SH3KBP1: variants seen among roughly 807,000 people sequenced by gnomAD.
SH3KBP1 encodes the protein SH3 domain-containing kinase-binding protein 1.
Under a neutral mutation model 50.1 loss-of-function variants are expected in SH3KBP1, and 8 were observed. The ratio of observed to expected loss-of-function variants is 0.16; its 90% CI spans 0.09 to 0.29. The LOEUF (loss-of-function observed/expected upper bound fraction) is 0.29, where lower values mean the gene tolerates loss of function less well. Among genes scored for constraint, SH3KBP1 ranks in the 10% least tolerant of loss-of-function variants. The pLI, the probability that SH3KBP1 is intolerant of heterozygous loss-of-function variation, is 1.00. For missense variants in SH3KBP1, 377 were observed against 535.2 expected, an observed-to-expected ratio of 0.70 and a Z score of 2.92; for synonymous variants, 227 against 218.6, an observed-to-expected ratio of 1.04 and a Z score of -0.34.
chrX:19,706,719 T>G (rs1464210499), intron 4 of SH3KBP1, among the ~76,000 whole-genome samples, 162 bp downstream of exon 4: 1 of 111,109 alleles, frequency 9.0e-6, no homozygotes. Context: ...GGGGCATTCC[T>G]CTGGGGAAAG....
At chrX:19,829,362 T>C (rs1311120517) in intron 2 of SH3KBP1, among the ~76,000 whole-genome samples, 1 of 111,123 alleles carries the variant, frequency 9.0e-6, no homozygotes, top group Non-Finnish European at 1.9e-5. Flanking sequence ...TGTATGATGA[T>C]CAATTTCCTA....
intron 1 of SH3KBP1, among the ~76,000 whole-genome samples, chrX:19,852,636 G>GAAAAAAAAA (rs760707711): frequency 9.6e-5 from 5 of 51,945 alleles, no homozygotes; most frequent in African/African-American, 3.3e-4. Context: ...TAGCTGCACA[G>GAAAAAAAAA]AAAAAAAAAA....
At chrX:19,538,788 T>C (rs1217018063) in intron 16 of SH3KBP1, among the ~76,000 whole-genome samples, 2 of 110,753 alleles carry the variant, frequency 1.8e-5, no homozygotes, top group Non-Finnish European at 1.9e-5. Context: ...GGTTTCACCA[T>C]GTTGGCCAGG....
chrX:19,534,890 T>C lies in SH3KBP1; in HGVS notation c.*1527A>G, dbSNP rs1388674915. 6.8e-6 allele frequency: 2 copies of C among 296,249 alleles called. No homozygotes were observed. Among genetic ancestry groups the C allele is most frequent in the Admixed American group, 6.2e-5 (1 of 16,241 alleles). 24.4% of individuals were successfully genotyped at this position (296,249 alleles called of 1,213,427 possible). A position where few individuals can be genotyped will look rare whatever the true frequency, so the allele number is the denominator to read the frequency against. On this transcript the variant is annotated 3_prime_UTR_variant, in exon 18 of 18. Coordinates refer to ENST00000397821, the MANE Select transcript of SH3KBP1 (RefSeq NM_031892.3). ...GAAGAGACATTTATTTGTAATACTA[T>C]CAATGATCAGTAATGTGATTTTTTG...
At chrX:19,607,832 G>T in intron 9 of SH3KBP1, 106 bp downstream of exon 9, 1 of 633,816 alleles carries the variant, frequency 1.6e-6, no homozygotes, top group Non-Finnish European at 2.6e-6. Flanking sequence ...TGGGTCTGTT[G>T]AATGTTCAAA....
chrX:19,577,606 G>A (rs2066241020), intron 12 of SH3KBP1, among the ~76,000 whole-genome samples: 1 of 111,059 alleles, frequency 9.0e-6, no homozygotes, highest in Non-Finnish European at 1.9e-5. Flanking sequence ...CTCAGCCAGT[G>A]GCATGGCCCA....
At chrX:19,692,669 GTA>G (rs1190799937) in intron 5 of SH3KBP1, among the ~76,000 whole-genome samples, 13 of 76,164 alleles carry the variant, frequency 1.7e-4, no homozygotes, top group East Asian at 7.2e-4. Flanking sequence ...GTGTGTGTGT[GTA>G]TGTATATATA....
chrX:19,564,365 A>G (rs1276373726), intron 13 of SH3KBP1, among the ~76,000 whole-genome samples: 3 of 112,389 alleles, frequency 2.7e-5, no homozygotes, highest in Non-Finnish European at 5.6e-5. Flanking sequence ...CAGAGTACAG[A>G]TTTAGAACTT....
intron 1 of SH3KBP1, among the ~76,000 whole-genome samples, chrX:19,845,966 T>G (rs886120738): frequency 3.6e-5 from 4 of 112,235 alleles, no homozygotes; most frequent in African/African-American, 1.3e-4. Flanking sequence ...TCTACTTTTT[T>G]TCAGGTAGTG....
chrX:19,803,992 G>T (rs1786180190), intron 2 of SH3KBP1, among the ~76,000 whole-genome samples: 1 of 111,224 alleles, frequency 9.0e-6, no homozygotes, highest in South Asian at 3.8e-4. Flanking sequence ...CTAACACGGT[G>T]AAACCTCATC....
chrX:19,822,784 C>T lies in SH3KBP1; in HGVS notation c.162+13341G>A, dbSNP rs193269893. 1.1e-4 allele frequency among the ~76,000 whole-genome samples: 12 copies of T among 111,976 alleles called. No individual in the cohort carries two copies. In the East Asian group the frequency reaches 3.3e-3, roughly 31 times the overall value. On this transcript the variant is annotated intron_variant, in intron 2 of 17. Transcript: ENST00000397821. ...TAGATACTATTTAAATTTTAGCTGGCATTAACCCTATTGAGGCTAAGTACG... is the reference window on the plus strand; with the variant it reads ...TAGATACTATTTAAATTTTAGCTGGTATTAACCCTATTGAGGCTAAGTACG...
At chrX:19,668,304 C>T (rs1354790002) in intron 6 of SH3KBP1, among the ~76,000 whole-genome samples, 3 of 101,569 alleles carry the variant, frequency 3.0e-5, no homozygotes, top group African/African-American at 1.1e-4. Flanking sequence ...GTCAGGAGTT[C>T]GAGACCAGCC....
At chrX:19,681,732 A>G (rs769073291) in intron 6 of SH3KBP1, among the ~76,000 whole-genome samples, 3 of 111,293 alleles carry the variant, frequency 2.7e-5, no homozygotes, top group Admixed American at 9.5e-5. Flanking sequence ...AAGAGCAAGG[A>G]CCCAGAACGA....
At chrX:19,688,140 T>C (rs950112987) in intron 5 of SH3KBP1, among the ~76,000 whole-genome samples, 10 of 112,448 alleles carry the variant, frequency 8.9e-5, no homozygotes, top group African/African-American at 3.2e-4. Context: ...TTATCCTTTA[T>C]CTTCTACCCC....
At chrX:19,809,591 T>C (rs1183327817) in intron 2 of SH3KBP1, among the ~76,000 whole-genome samples, 2 of 112,251 alleles carry the variant, frequency 1.8e-5, no homozygotes, top group East Asian at 5.6e-4. Flanking sequence ...AAAATTAATG[T>C]TCTAAAAGAA....
At chrX:19,732,702 T>C (rs190782875) in intron 3 of SH3KBP1, among the ~76,000 whole-genome samples, 1 of 99,930 alleles carries the variant, frequency 1.0e-5, no homozygotes, top group East Asian at 2.9e-4. Flanking sequence ...CAGCATTTTA[T>C]AATTTCCACT....
At chrX:19,680,571 T>G (rs2063026768) in intron 6 of SH3KBP1, among the ~76,000 whole-genome samples, 1 of 110,967 alleles carries the variant, frequency 9.0e-6, no homozygotes, top group Non-Finnish European at 1.9e-5. Context: ...TCACGCAAGA[T>G]CCAATTTACA....
intron 8 of SH3KBP1, among the ~76,000 whole-genome samples, chrX:19,631,383 A>G (rs759920438): frequency 1.8e-5 from 2 of 112,571 alleles, no homozygotes; most frequent in Admixed American, 9.4e-5. Flanking sequence ...TAATAAAATC[A>G]TTCAATCTTC....
At chrX:19,735,911 A>T (rs1178429492) in intron 3 of SH3KBP1, among the ~76,000 whole-genome samples, 2 of 110,459 alleles carry the variant, frequency 1.8e-5, no homozygotes, top group African/African-American at 3.3e-5. Flanking sequence ...TTTTTAATAA[A>T]GACGGGGTTT....
Sources: gnomAD v4.1 joint callset for allele counts (sites outside exome capture counted in the v4.1 genomes callset) on GRCh38, gnomAD v4.1.1 for gene constraint, MANE v1.5 for transcripts, NCBI Gene and HGNC (gene_info 2026-07-23, HGNC 2026-07-21) for gene names.